PIK3R5: variants seen among roughly 807,000 people sequenced by gnomAD.
PIK3R5 encodes the protein phosphoinositide 3-kinase regulatory subunit 5.
Under a neutral mutation model 94.9 loss-of-function variants are expected in PIK3R5, and 32 were observed. The observed-to-expected ratio is 0.34, with a 90% CI of 0.25 to 0.45. The LOEUF (loss-of-function observed/expected upper bound fraction) is 0.45. Ranked by LOEUF, PIK3R5 falls within the 20% of genes least tolerant of loss-of-function variation. PIK3R5 has a pLI of 1.00. For missense variants in PIK3R5, 853 were observed against 1,144.6 expected, an observed-to-expected ratio of 0.75 and a Z score of 3.68; for synonymous variants, 443 against 479.4, an observed-to-expected ratio of 0.92 and a Z score of 0.99.
intron 5 of PIK3R5, among the ~76,000 whole-genome samples, chr17:8,894,224 G>C (rs917587201): frequency 6.6e-6 from 1 of 152,226 alleles, no homozygotes; most frequent in South Asian, 2.1e-4. Context: ...TTCAGAGACT[G>C]GGAGGCGGAG....
chr17:8,932,575 C>T (rs1361584031), intron 1 of PIK3R5, among the ~76,000 whole-genome samples: 1 of 151,988 alleles, frequency 6.6e-6, no homozygotes, highest in Non-Finnish European at 1.5e-5. Flanking sequence ...AATCTATTAC[C>T]AAAAGGAAAC....
At chr17:8,934,652 CA>C (rs1334717266) in intron 1 of PIK3R5, among the ~76,000 whole-genome samples, 7 of 152,190 alleles carry the variant, frequency 4.6e-5, no homozygotes, top group Non-Finnish European at 1.0e-4. Context: ...TATCTGACTT[CA>C]AGATTTGCTC....
At chr17:8,957,433 C>T (rs542849524) in intron 1 of PIK3R5, among the ~76,000 whole-genome samples, 2 of 152,260 alleles carry the variant, frequency 1.3e-5, no homozygotes, top group Non-Finnish European at 2.9e-5. Context: ...GGACACTGCT[C>T]GTCAAACATC....
At chr17:8,957,039 C>T (rs907250117) in intron 1 of PIK3R5, among the ~76,000 whole-genome samples, 1 of 152,174 alleles carries the variant, frequency 6.6e-6, no homozygotes, top group Non-Finnish European at 1.5e-5. Flanking sequence ...TCTGAGCAAA[C>T]TGCCCAGCTT....
chr17:8,884,252 A>C lies in PIK3R5; in HGVS notation c.2205+455T>G, dbSNP rs77694192. On this transcript the variant is annotated intron_variant, in intron 15 of 18. Coordinates refer to ENST00000447110, the MANE Select transcript of PIK3R5 (RefSeq NM_001142633.3). This position sits in a 1 kb window ranked among gnomAD's most constrained non-coding sequence, Gnocchi z 5.8. ...GGGATGCGACCTGCTCAGAGAACTC[A>C]TGTCTTCTGGCATGTCATGGACAGC... 0.011 allele frequency among the ~76,000 whole-genome samples: 1,694 copies of C among 151,978 alleles called. 13 individuals are homozygous for C. The highest frequency in any genetic ancestry group is 0.016 in the Non-Finnish European group (1,082 of 67,934).
chr17:8,959,465 G>A (rs2091521666), intron 1 of PIK3R5, among the ~76,000 whole-genome samples: 2 of 152,224 alleles, frequency 1.3e-5, no homozygotes, highest in Non-Finnish European at 2.9e-5. Context: ...ATGTACATGT[G>A]TGCTTATGGG....
chr17:8,919,885 C>T, intron 1 of PIK3R5, among the ~76,000 whole-genome samples: 12 of 136,346 alleles, frequency 8.8e-5, no homozygotes, highest in South Asian at 2.3e-4. Flanking sequence ...TTTCTTTTTC[C>T]TTCTTTTTTT....
At chr17:8,951,457 T>C (rs1223991737) in intron 1 of PIK3R5, among the ~76,000 whole-genome samples, 3 of 152,236 alleles carry the variant, frequency 2.0e-5, no homozygotes, top group Non-Finnish European at 4.4e-5. Flanking sequence ...TCTGTTTCTA[T>C]GAGTTTACTC....
chr17:8,907,368 C>T (rs1232000909), intron 3 of PIK3R5, among the ~76,000 whole-genome samples: 1 of 152,022 alleles, frequency 6.6e-6, no homozygotes, highest in Non-Finnish European at 1.5e-5. Context: ...AGATTATTTT[C>T]TTGGTATTTT....
chr17:8,887,263 G>A, intron 11 of PIK3R5, 42 bp from the exon 12 acceptor site: 9 of 1,610,486 alleles, frequency 5.6e-6, no homozygotes, highest in Non-Finnish European at 7.6e-6. Flanking sequence ...CTCCCCAGGA[G>A]GCCTGCCCAT....
Position 8,911,732 on chromosome 17 carries a change from C to A in PIK3R5, c.-13-225G>T. On this transcript the variant is annotated intron_variant, in intron 1 of 18. Coordinates refer to ENST00000447110, the MANE Select transcript of PIK3R5 (RefSeq NM_001142633.3). This position sits in a 1 kb window ranked among gnomAD's most constrained non-coding sequence, Gnocchi z 5.3. ...AGGACAGAGCACCCCTGCAGCAGAA[C>A]GGGACAGAGGTGTGGGAAGTAAGGG... The A allele has an allele frequency of 2.0e-6, 1 of 497,364 alleles. No homozygotes were observed. Among genetic ancestry groups the A allele is most frequent in the Non-Finnish European group, 3.7e-6 (1 of 273,928 alleles). The allele number at this position is 497,364 out of a possible 1,614,324, so 30.8% of individuals were successfully genotyped here. A position where few individuals can be genotyped will look rare whatever the true frequency, so the allele number is the denominator to read the frequency against.
intron 14 of PIK3R5, chr17:8,885,050 C>G (rs1357959283): frequency 4.3e-6 from 2 of 468,134 alleles, no homozygotes; most frequent in Non-Finnish European, 7.9e-6. Flanking sequence ...GCCCCATCTC[C>G]GCTGTGATCA....
Position 8,888,070 on chromosome 17 carries a change from C to A in PIK3R5, c.1616+101G>T. The A allele has an allele frequency of 1.7e-6, 1 of 597,580 alleles. No homozygotes were observed. The highest frequency in any genetic ancestry group is 2.8e-6 in the Non-Finnish European group (1 of 360,040). 37.0% of individuals were successfully genotyped at this position (597,580 alleles called of 1,614,324 possible). ...AATAAAATAAAAATAAATAAGGGAA[C>A]TTTTGGTTCCTCTGGGGCCCTAAGC... On this transcript the variant is annotated intron_variant, in intron 10 of 18. Coordinates refer to ENST00000447110, the MANE Select transcript of PIK3R5 (RefSeq NM_001142633.3). This position sits in a 1 kb window ranked among gnomAD's most constrained non-coding sequence, Gnocchi z 7.8.
At chr17:8,899,915 G>GT (rs1000951898) in intron 5 of PIK3R5, among the ~76,000 whole-genome samples, 1 of 152,118 alleles carries the variant, frequency 6.6e-6, no homozygotes, top group Non-Finnish European at 1.5e-5. Context: ...GTGCACGCCT[G>GT]TAGTCCCAGC....
chr17:8,885,955 T>C (rs1299360317), intron 14 of PIK3R5, among the ~76,000 whole-genome samples: 1 of 143,162 alleles, frequency 7.0e-6, no homozygotes, highest in Non-Finnish European at 1.5e-5. Flanking sequence ...GCCTCCTAGG[T>C]AACCCCGCCC....
intron 1 of PIK3R5, among the ~76,000 whole-genome samples, chr17:8,922,487 G>A (rs1384079788): frequency 6.6e-6 from 1 of 152,126 alleles, no homozygotes; most frequent in Non-Finnish European, 1.5e-5. Flanking sequence ...CTTGAAGTCT[G>A]TGCAAAGTTG....
At chr17:8,920,268 A>G (rs755277748) in intron 1 of PIK3R5, among the ~76,000 whole-genome samples, 30 of 152,208 alleles carry the variant, frequency 2.0e-4, no homozygotes, top group African/African-American at 2.9e-4. Context: ...CACCTCCTGC[A>G]TGATTCTGAC....
intron 1 of PIK3R5, among the ~76,000 whole-genome samples, chr17:8,956,733 C>T (rs747720773): frequency 2.0e-5 from 3 of 152,142 alleles, no homozygotes; most frequent in African/African-American, 7.2e-5. Flanking sequence ...GAAACATTGA[C>T]GTGAAAACCC....
rs991376692 is a variant in PIK3R5, at chr17:8,925,505, A to C, written c.-13-13998T>G. Among the ~76,000 whole-genome samples the C allele has an allele frequency of 6.6e-6, 1 of 151,456 alleles. No individual in the cohort carries two copies. Among genetic ancestry groups the C allele is most frequent in the East Asian group, 1.9e-4 (1 of 5,190 alleles). ...GTAGATGGATAGATAGTAGATGGATAGATAGTAGATGGATAGATAGATAGA... is the reference window on the plus strand; with the variant it reads ...GTAGATGGATAGATAGTAGATGGATCGATAGTAGATGGATAGATAGATAGA... On this transcript the variant is annotated intron_variant, in intron 1 of 18. Transcript: ENST00000447110. The surrounding 1 kb of genome is among the most constrained non-coding windows in gnomAD (Gnocchi z 5.1).
Sources: gnomAD v4.1 joint callset for allele counts (sites outside exome capture counted in the v4.1 genomes callset) on GRCh38, gnomAD v4.1.1 for gene constraint, Gnocchi (gnomAD v3.1) non-coding constraint, MANE v1.5 for transcripts, NCBI Gene and HGNC (gene_info 2026-07-23, HGNC 2026-07-21) for gene names.